The following SH3D19 variants were observed in gnomAD, a reference collection of about 807,000 sequenced individuals.
SH3D19 encodes the protein SH3 domain-containing protein 19.
A neutral mutation model predicts 112.1 loss-of-function variants in SH3D19; 58 were observed. The ratio of observed to expected loss-of-function variants is 0.52; its 90% CI spans 0.42 to 0.64. The LOEUF (loss-of-function observed/expected upper bound fraction) is 0.64. Among genes scored for constraint, SH3D19 ranks in the 30% least tolerant of loss-of-function variants. The pLI is 0.00. For synonymous variants in SH3D19, 391 were observed against 448.5 expected, an observed-to-expected ratio of 0.87 and a Z score of 1.62; for missense variants, 1,090 against 1,263.4, an observed-to-expected ratio of 0.86 and a Z score of 2.08.
chr4:151,225,553 A>T (rs2149947512), intron 2 of SH3D19, among the ~76,000 whole-genome samples: 1 of 152,352 alleles, frequency 6.6e-6, no homozygotes, highest in South Asian at 2.1e-4. Flanking sequence ...ATATAATCTA[A>T]AAGTCTAGAA....
chr4:151,245,449 G>A (rs1327563309), intron 1 of SH3D19, among the ~76,000 whole-genome samples: 2 of 152,152 alleles, frequency 1.3e-5, no homozygotes, highest in South Asian at 4.2e-4. Context: ...CTACTTTCCA[G>A]ACTTTAATGG....
At chr4:151,134,467 A>AAC (rs1751404832) in intron 15 of SH3D19, among the ~76,000 whole-genome samples, 1 of 152,212 alleles carries the variant, frequency 6.6e-6, no homozygotes, top group Non-Finnish European at 1.5e-5. Context: ...TCCTCTTAAA[A>AAC]ACAAAAACAT....
chr4:151,165,667 G>C lies in SH3D19; in HGVS notation c.1564C>G (p.Pro522Ala). ...DPFQLPAKTE[P>A]IKERAVQPAP... is the part of the protein sequence containing the mutation. ...GGTTGAACTGCTCGTTCTTTTATTGGTTCTGTTTTTGCAGGGAGCTGAAAG... is the reference window on the plus strand; with the variant it reads ...GGTTGAACTGCTCGTTCTTTTATTGCTTCTGTTTTTGCAGGGAGCTGAAAG... Residue 522 changes from proline to alanine, a missense_variant, in exon 8 of 20, where the codon CCA (proline) becomes GCA (alanine). Coordinates refer to ENST00000604030, the MANE Select transcript of SH3D19 (RefSeq NM_001378122.1). The C allele has an allele frequency of 6.2e-7, 1 of 1,614,100 alleles. No homozygotes were observed. Among genetic ancestry groups the C allele is most frequent in the Non-Finnish European group, 8.5e-7 (1 of 1,180,004 alleles).
intron 1 of SH3D19, among the ~76,000 whole-genome samples, chr4:151,322,820 G>A (rs1730685808): frequency 6.6e-6 from 1 of 152,126 alleles, no homozygotes; most frequent in Non-Finnish European, 1.5e-5. Flanking sequence ...GTCATTACTT[G>A]CTTTCTGCTG....
intron 2 of SH3D19, among the ~76,000 whole-genome samples, chr4:151,208,151 T>A (rs1488759103): frequency 6.6e-6 from 1 of 152,200 alleles, no homozygotes; most frequent in African/African-American, 2.4e-5. Flanking sequence ...TATGGGAGAT[T>A]ATTCTATGAA....
chr4:151,170,399 C>G (rs963886424), intron 7 of SH3D19: 1 of 151,978 alleles, frequency 6.6e-6, no homozygotes, highest in African/African-American at 2.4e-5. Context: ...CTTCTGGTTT[C>G]TTTTGTTGCT....
chr4:151,311,116 T>C (rs189933563), intron 1 of SH3D19, among the ~76,000 whole-genome samples: 1 of 151,370 alleles, frequency 6.6e-6, no homozygotes, highest in African/African-American at 2.4e-5. Context: ...GATATATATG[T>C]ATGTATACAT....
rs369167388 is a variant in SH3D19, at chr4:151,304,169, T to C, written c.112+21072A>G. Among the ~76,000 whole-genome samples the C allele has an allele frequency of 1.6e-4, 25 of 152,028 alleles. 1 individual carries two copies. Among genetic ancestry groups the C allele is most frequent in the Admixed American group, 1.0e-3 (16 of 15,256 alleles). On this transcript the variant is annotated intron_variant, in intron 1 of 19. Coordinates refer to ENST00000604030, the MANE Select transcript of SH3D19 (RefSeq NM_001378122.1). Reference sequence around the variant, plus strand: ...TTAAGCCATATTTGACATATCTGAGTGACATCAGAAAAAATGGCAGAGTTA... The same window carrying C: ...TTAAGCCATATTTGACATATCTGAGCGACATCAGAAAAAATGGCAGAGTTA...
chr4:151,226,260 C>G (rs1768980387), intron 1 of SH3D19, 174 bp from the exon 2 acceptor site: 2 of 1,221,846 alleles, frequency 1.6e-6, no homozygotes, highest in South Asian at 8.5e-5. Context: ...GCAGAAAAGA[C>G]ACAATGAAGG....
intron 4 of SH3D19, among the ~76,000 whole-genome samples, chr4:151,178,872 C>T (rs1760380008): frequency 1.3e-5 from 2 of 152,060 alleles, no homozygotes; most frequent in South Asian, 4.1e-4. Context: ...TCCACTGGTC[C>T]TTCCTTCTAT....
chr4:151,175,718 T>C lies in SH3D19; in HGVS notation c.530-44A>G. 3 of 1,239,472 alleles carry C rather than the reference T, an allele frequency of 2.4e-6. No individual in the cohort carries two copies. In the South Asian group the frequency reaches 1.2e-4, roughly 50 times the overall value. The allele number at this position is 1,239,472 out of a possible 1,614,324, so 76.8% of individuals were successfully genotyped here. A position where few individuals can be genotyped will look rare whatever the true frequency, so the allele number is the denominator to read the frequency against. On this transcript the variant is annotated intron_variant, in intron 6 of 19. Transcript: ENST00000604030. Reference sequence around the variant, plus strand: ...AACCAAAACAAATAAAAACAAGCCATAACGTTAACAATGTATAAGGAAAAA... The same window carrying C: ...AACCAAAACAAATAAAAACAAGCCACAACGTTAACAATGTATAAGGAAAAA...
chr4:151,217,125 A>G (rs1767259342), intron 2 of SH3D19, among the ~76,000 whole-genome samples: 1 of 152,210 alleles, frequency 6.6e-6, no homozygotes, highest in African/African-American at 2.4e-5. Context: ...GCTATAGTTT[A>G]TAGAGGTACA....
intron 1 of SH3D19, among the ~76,000 whole-genome samples, chr4:151,257,747 T>C (rs1325379756): frequency 6.6e-6 from 1 of 151,834 alleles, no homozygotes; most frequent in Non-Finnish European, 1.5e-5. Context: ...CACGACCCTA[T>C]CTCTACAAAA....
At chr4:151,194,016 ATTTTTTTTTTTT>A (rs201719037) in intron 2 of SH3D19, among the ~76,000 whole-genome samples, 8 of 111,900 alleles carry the variant, frequency 7.1e-5, no homozygotes, top group African/African-American at 1.3e-4. Context: ...AGTAGGATTA[ATTTTTTTTTTTT>A]TTTTTTTTTT....
chr4:151,197,854 C>T (rs924714635), intron 2 of SH3D19, among the ~76,000 whole-genome samples: 5 of 151,886 alleles, frequency 3.3e-5, no homozygotes, highest in Admixed American at 3.3e-4. Flanking sequence ...TTCTAAAAAC[C>T]TAGAAATTAG....
At chr4:151,316,504 G>T (rs1407004325) in intron 1 of SH3D19, among the ~76,000 whole-genome samples, 2 of 151,410 alleles carry the variant, frequency 1.3e-5, no homozygotes, top group Non-Finnish European at 2.9e-5. Flanking sequence ...CAGGGTGTGG[G>T]GTATATGGGA....
At chr4:151,262,031 G>C (rs1225243021) in intron 1 of SH3D19, among the ~76,000 whole-genome samples, 2 of 152,096 alleles carry the variant, frequency 1.3e-5, no homozygotes, top group Non-Finnish European at 2.9e-5. Flanking sequence ...TACATATTCT[G>C]AAGACAACTT....
rs376751671 is a variant in SH3D19 at position 151,159,302 on chromosome 4, T to C, written c.1693A>G (p.Ile565Val). Residue 565 changes from isoleucine to valine, a missense_variant, in exon 9 of 20, where the codon ATT (isoleucine) becomes GTT (valine). Ile to Val is a conservative substitution (Grantham distance 29). Coordinates refer to ENST00000604030, the MANE Select transcript of SH3D19 (RefSeq NM_001378122.1). ...SPPPLPAEKPIGNTFSTVSGK... is the reference protein window; with the variant it reads ...SPPPLPAEKPVGNTFSTVSGK... ...GATACTGTACTGAAAGTGTTTCCAA[T>C]AGGTTTTTCAGCAGGGAGAGGAGGT... The C allele has an allele frequency of 3.0e-5, 47 of 1,578,098 alleles. No homozygotes were observed. Among genetic ancestry groups the C allele is most frequent in the East Asian group, 4.7e-5 (2 of 42,550 alleles).
chr4:151,289,411 A>C (rs1395482471), intron 1 of SH3D19, among the ~76,000 whole-genome samples: 1 of 152,228 alleles, frequency 6.6e-6, no homozygotes, highest in East Asian at 1.9e-4. Flanking sequence ...TTTATGCTTC[A>C]ATGGACACCA....
Sources: gnomAD v4.1 joint callset for allele counts (sites outside exome capture counted in the v4.1 genomes callset) on GRCh38, gnomAD v4.1.1 for gene constraint, MANE v1.5 for transcripts, NCBI Gene and HGNC (gene_info 2026-07-23, HGNC 2026-07-21) for gene names.